Variants in LNX1 observed in about 807,000 individuals in gnomAD.
The protein encoded by LNX1 is E3 ubiquitin-protein ligase LNX.
In LNX1, 54 loss-of-function variants were observed where a neutral mutation model predicts 68.4. The observed-to-expected ratio is 0.79, with a 90% CI of 0.63 to 0.99. The LOEUF is 0.99. Ranked by LOEUF, LNX1 falls within the 50% of genes least tolerant of loss-of-function variation. The pLI is 0.00. For missense variants in LNX1, 906 were observed against 926.4 expected (o/e 0.98, Z 0.29); for synonymous variants, 336 against 350.0 (o/e 0.96, Z 0.45).
chr4:53,613,550 A>G (rs1206835719), intron 2 of LNX1, among the ~76,000 whole-genome samples: 3 of 151,894 alleles, frequency 2.0e-5, no homozygotes, highest in Non-Finnish European at 2.9e-5. Flanking sequence ...GCATTGTTCC[A>G]ATGCGGTATT....
intron 1 of LNX1, among the ~76,000 whole-genome samples, chr4:53,625,483 A>C (rs959898947): frequency 2.0e-5 from 3 of 152,164 alleles, no homozygotes; most frequent in Non-Finnish European, 2.9e-5. Flanking sequence ...CATCATTAAT[A>C]ATTTGGGAAA....
chr4:53,572,228 C>T (rs917804604), intron 2 of LNX1, among the ~76,000 whole-genome samples: 3 of 152,136 alleles, frequency 2.0e-5, no homozygotes, highest in Non-Finnish European at 4.4e-5. Flanking sequence ...CTGGGCAAAA[C>T]TTTCAGCAAA....
intron 1 of LNX1, chr4:53,575,962 G>T: frequency 6.4e-7 from 1 of 1,563,244 alleles, no homozygotes; most frequent in Non-Finnish European, 8.6e-7. Context: ...GTGGCTGGGT[G>T]CCCTACTGGC....
At chr4:53,531,046 T>C (rs1727985086) in intron 2 of LNX1, among the ~76,000 whole-genome samples, 1 of 152,144 alleles carries the variant, frequency 6.6e-6, no homozygotes, top group Admixed American at 6.5e-5. Flanking sequence ...GTGCCTATGG[T>C]CTCAGCTACT....
At chr4:53,570,528 G>T (rs547182839) in intron 2 of LNX1, among the ~76,000 whole-genome samples, 7 of 115,216 alleles carry the variant, frequency 6.1e-5, no homozygotes, top group Admixed American at 2.9e-4. Flanking sequence ...GTGGGGGGAG[G>T]GGGGAGGGAT....
intron 2 of LNX1, among the ~76,000 whole-genome samples, chr4:53,543,528 GA>G (rs11301662): frequency 0.76 from 115,718 of 151,860 alleles, 44,320 homozygotes; most frequent in Admixed American, 0.82. Context: ...TGGAAAAGAA[GA>G]AAAAAAAATC....
chr4:53,507,865 C>CA (rs1726024235), intron 3 of LNX1, 121 bp downstream of exon 3: 1 of 1,341,464 alleles, frequency 7.5e-7, no homozygotes, highest in African/African-American at 1.5e-5. Flanking sequence ...GGGTTCCTGC[C>CA]AAAACTACCA....
chr4:53,474,359 T>C (rs532020237), intron 9 of LNX1, among the ~76,000 whole-genome samples: 59 of 152,298 alleles, frequency 3.9e-4, no homozygotes, highest in African/African-American at 1.4e-3. Context: ...TAAAATTTTA[T>C]TGGAACACAG....
chr4:53,581,354 C>T (rs1471703274), intron 1 of LNX1, among the ~76,000 whole-genome samples: 4 of 152,112 alleles, frequency 2.6e-5, no homozygotes, highest in African/African-American at 9.7e-5. Flanking sequence ...TATTTATTCT[C>T]CAAACAATTT....
At chr4:53,488,233 A>G (rs1724448944) in intron 6 of LNX1, among the ~76,000 whole-genome samples, 1 of 152,214 alleles carries the variant, frequency 6.6e-6, no homozygotes, top group Non-Finnish European at 1.5e-5. Context: ...GATAGCACTA[A>G]TTTGAATGTT....
intron 2 of LNX1, among the ~76,000 whole-genome samples, chr4:53,597,698 G>A (rs1732813152): frequency 1.3e-5 from 2 of 152,216 alleles, no homozygotes; most frequent in Admixed American, 6.5e-5. Flanking sequence ...TGCCCAGTCT[G>A]AGTGCCTTCT....
intron 1 of LNX1, among the ~76,000 whole-genome samples, chr4:53,632,205 C>T (rs1734305441): frequency 1.3e-5 from 2 of 152,304 alleles, no homozygotes; most frequent in South Asian, 2.1e-4. Flanking sequence ...TTGGAACTGA[C>T]ATCAGCACTT....
chr4:53,495,261 TAAA>T (rs1724966218), intron 6 of LNX1, among the ~76,000 whole-genome samples: 1 of 152,086 alleles, frequency 6.6e-6, no homozygotes, highest in Non-Finnish European at 1.5e-5. Context: ...ATAATTATCT[TAAA>T]ATAAAAAAGC....
chr4:53,614,575 G>C (rs1036967518), intron 2 of LNX1, among the ~76,000 whole-genome samples: 1 of 152,170 alleles, frequency 6.6e-6, no homozygotes. Flanking sequence ...TTCCATCACA[G>C]GTACCCAGGA....
Position 53,477,000 on chromosome 4 carries a change from GA to G in LNX1, c.1664-20del. ...ATGTCACCTGATGGCCAGAGAAGCA[GA>G]AGCTATCTTTAGTGAGAGCACAAAC... On this transcript the variant is annotated intron_variant, in intron 8 of 10. Transcript: ENST00000263925. 6.2e-7 allele frequency: 1 copy of G among 1,601,054 alleles called. No homozygotes were observed. The highest frequency in any genetic ancestry group is 8.6e-7 in the Non-Finnish European group (1 of 1,169,464).
Position 53,459,440 on chromosome 4 carries a change from T to C in LNX1, c.*1467A>G. The C allele has an allele frequency of 6.2e-7, 1 of 1,613,646 alleles. No individual in the cohort carries two copies. The highest frequency in any genetic ancestry group is 1.3e-5 in the African/African-American group (1 of 75,028). Reference sequence around the variant, plus strand: ...AACAGGAGAGCACCGAAGCTACACCTGCAGAATAGGCATGGTTTTGGCCTT... The same window carrying C: ...AACAGGAGAGCACCGAAGCTACACCCGCAGAATAGGCATGGTTTTGGCCTT... On this transcript the variant is annotated 3_prime_UTR_variant, in exon 11 of 11. Transcript: ENST00000263925.
chr4:53,565,897 A>G (rs1730645759), intron 2 of LNX1, among the ~76,000 whole-genome samples: 1 of 152,236 alleles, frequency 6.6e-6, no homozygotes, highest in Admixed American at 6.5e-5. Flanking sequence ...AAAGGGTATC[A>G]GCAATGGAAG....
intron 1 of LNX1, among the ~76,000 whole-genome samples, chr4:53,630,313 C>A (rs1233423565): frequency 6.6e-6 from 1 of 151,872 alleles, no homozygotes; most frequent in East Asian, 1.9e-4. Context: ...TTTTTGTAAC[C>A]CCCAGATCAG....
chr4:53,609,549 T>A (rs62325484), intron 2 of LNX1, among the ~76,000 whole-genome samples: 15 of 146,970 alleles, frequency 1.0e-4, no homozygotes, highest in Non-Finnish European at 1.6e-4. Context: ...AATTTATAAT[T>A]TATGTATAAA....
Sources: allele counts gnomAD v4.1 joint callset (sites outside exome capture counted in the v4.1 genomes callset), GRCh38; gene constraint gnomAD v4.1.1; transcripts MANE v1.5; gene names NCBI Gene and HGNC (gene_info 2026-07-23, HGNC 2026-07-21).